ABCB1: variants seen among roughly 807,000 people sequenced by gnomAD.
ABCB1 encodes ATP-dependent translocase ABCB1.
ABCB1 carries 69 observed loss-of-function variants against 142.0 expected under a neutral mutation model. The ratio of observed to expected loss-of-function variants is 0.49; its 90% CI spans 0.40 to 0.59. ABCB1 has a LOEUF of 0.59. ABCB1 is among the 20% of genes least tolerant of loss of function. The pLI is 0.00. For synonymous variants in ABCB1, 532 were observed against 539.2 expected, an observed-to-expected ratio of 0.99 and a Z score of 0.18; for missense variants, 1,326 against 1,554.7, an observed-to-expected ratio of 0.85 and a Z score of 2.47.
intron 3 of ABCB1, among the ~76,000 whole-genome samples, chr7:87,591,146 G>A (rs186896003): frequency 2.0e-4 from 30 of 152,260 alleles, no homozygotes. Context: ...AGTAGGAGAT[G>A]TGATGATTGA....
At chr7:87,548,035 T>C (rs147129891) in intron 14 of ABCB1, among the ~76,000 whole-genome samples, 1 of 131,524 alleles carries the variant, frequency 7.6e-6, no homozygotes, top group Non-Finnish European at 1.6e-5. Context: ...AAAGATAAGA[T>C]AAGATAAGAA....
chr7:87,654,817 G>C (rs932776638), intron 1 of ABCB1, among the ~76,000 whole-genome samples: 2 of 151,946 alleles, frequency 1.3e-5, no homozygotes, highest in Non-Finnish European at 2.9e-5. Context: ...CGGATAAGGG[G>C]CTAATTTCCA....
chr7:87,555,145 A>G (rs1238518544), intron 8 of ABCB1, among the ~76,000 whole-genome samples: 1 of 152,214 alleles, frequency 6.6e-6, no homozygotes, highest in Non-Finnish European at 1.5e-5. Flanking sequence ...AGCTATGGAG[A>G]TAAGCTAATG....
intron 19 of ABCB1, chr7:87,536,962 T>C (rs567046767): frequency 2.2e-5 from 5 of 230,554 alleles, no homozygotes; most frequent in South Asian, 1.2e-4. Context: ...AACAGAGGCC[T>C]GAATGAAGGA....
At chr7:87,701,979 T>A (rs1166162500) in intron 1 of ABCB1, among the ~76,000 whole-genome samples, 3 of 151,566 alleles carry the variant, frequency 2.0e-5, no homozygotes, top group Non-Finnish European at 4.4e-5. Context: ...CCGTCTCTAC[T>A]GAAAATATAA....
At position 87,519,450 on chromosome 7, in the gene ABCB1, C is replaced by T. The variant is rs1815394263; in HGVS notation, c.2803G>A (p.Ala935Thr). 1.9e-6 allele frequency: 3 copies of T among 1,613,952 alleles called. No homozygotes were observed. Among genetic ancestry groups the T allele is most frequent in the Admixed American group, 1.7e-5 (1 of 60,008 alleles). Residue 935 changes from alanine to threonine, a missense_variant, in exon 23 of 28, where the codon GCA becomes ACA. Physicochemically the swap from Ala to Thr is moderately conservative, Grantham distance 58 (BLOSUM62 0). Transcript: ENST00000622132. Reference sequence around the variant, plus strand: ...GAAAATGTAATTCCAAAGATGTGTGCTTTCCTCAAAGAGTTTCTGAAAAGA... The same window carrying T: ...GAAAATGTAATTCCAAAGATGTGTGTTTTCCTCAAAGAGTTTCTGAAAAGA... Reference protein sequence around the residue: ...QVPYRNSLRKAHIFGITFSFT... With the variant: ...QVPYRNSLRKTHIFGITFSFT...
chr7:87,604,672 T>C (rs1405721654), upstream of ABCB1, among the ~76,000 whole-genome samples: 1 of 151,918 alleles, frequency 6.6e-6, no homozygotes, highest in African/African-American at 2.4e-5. Context: ...TTTTCAGAGG[T>C]CGTTTGTCTT....
intron 1 of ABCB1, among the ~76,000 whole-genome samples, chr7:87,669,866 T>C (rs1418010911): frequency 1.3e-5 from 2 of 152,218 alleles, no homozygotes; most frequent in African/African-American, 2.4e-5. Flanking sequence ...GTTCCTTTTG[T>C]AGGTCATGTG....
At chr7:87,511,308 G>A (rs892210973) in intron 25 of ABCB1, among the ~76,000 whole-genome samples, 1 of 152,094 alleles carries the variant, frequency 6.6e-6, no homozygotes, top group Admixed American at 6.5e-5. Context: ...TATGAGAAGT[G>A]CTCAAAAAAT....
At chr7:87,584,530 C>A (rs928673798) in intron 4 of ABCB1, among the ~76,000 whole-genome samples, 1 of 152,024 alleles carries the variant, frequency 6.6e-6, no homozygotes, top group Non-Finnish European at 1.5e-5. Flanking sequence ...CCATTCCTCC[C>A]CAATCGAGAA....
chr7:87,555,802 G>T (rs1817282979), intron 8 of ABCB1, among the ~76,000 whole-genome samples: 1 of 151,922 alleles, frequency 6.6e-6, no homozygotes. Context: ...GCTACCACTG[G>T]GCATAACTTA....
At chr7:87,519,826 C>T (rs1815414249) in intron 22 of ABCB1, among the ~76,000 whole-genome samples, 1 of 152,192 alleles carries the variant, frequency 6.6e-6, no homozygotes, top group South Asian at 2.1e-4. Context: ...CGTAAATATT[C>T]ATTCTGCACA....
chr7:87,671,783 C>T (rs1316939127), intron 1 of ABCB1, among the ~76,000 whole-genome samples: 2 of 152,142 alleles, frequency 1.3e-5, no homozygotes, highest in Non-Finnish European at 2.9e-5. Flanking sequence ...CTTCAGCCCC[C>T]GGTTGCCTCA....
intron 4 of ABCB1, among the ~76,000 whole-genome samples, chr7:87,573,516 C>T (rs948078710): frequency 1.3e-5 from 2 of 152,174 alleles, no homozygotes; most frequent in African/African-American, 4.8e-5. Context: ...TCTTACCTCT[C>T]CTGTAACAAG....
In ABCB1 at chr7:87,544,806, C is replaced by T. The variant is rs191864178; in HGVS notation, c.2064+17G>A. 1.8e-3 allele frequency: 2,900 copies of T among 1,613,646 alleles called. 21 individuals are homozygous for T. The highest frequency in any genetic ancestry group is 1.3e-3 in the Non-Finnish European group (1,509 of 1,179,856). ...CAGTTAGTGAGATTAAAACAAACTC[C>T]GCATCTCCCTTCATACCAGAGCCTC... On this transcript the variant is annotated intron_variant, in intron 16 of 27. Coordinates refer to ENST00000622132, the MANE Select transcript of ABCB1 (RefSeq NM_001348946.2).
intron 1 of ABCB1, among the ~76,000 whole-genome samples, chr7:87,632,426 C>CATG (rs1349638259): frequency 6.6e-6 from 1 of 152,082 alleles, no homozygotes; most frequent in Non-Finnish European, 1.5e-5. Context: ...ATGTTGTAGA[C>CATG]TAAAAACATT....
chr7:87,621,375 C>A (rs1410504922), intron 1 of ABCB1, among the ~76,000 whole-genome samples: 1 of 151,992 alleles, frequency 6.6e-6, no homozygotes, highest in East Asian at 1.9e-4. Context: ...TAGTACCTGA[C>A]AAAGGTAGCA....
upstream of ABCB1, chr7:87,601,222 G>T (rs1819445771): frequency 6.6e-6 from 1 of 152,110 alleles, no homozygotes; most frequent in African/African-American, 2.4e-5. Flanking sequence ...CTCGGGATTC[G>T]CATTTAATAC....
intron 1 of ABCB1, among the ~76,000 whole-genome samples, chr7:87,644,419 T>G (rs1223111531): frequency 6.6e-6 from 1 of 152,242 alleles, no homozygotes. Context: ...CAATGACATA[T>G]AATAAGGAAT....
Sources: gnomAD v4.1 joint callset for allele counts (sites outside exome capture counted in the v4.1 genomes callset) on GRCh38, gnomAD v4.1.1 for gene constraint, MANE v1.5 for transcripts, NCBI Gene and HGNC (gene_info 2026-07-23, HGNC 2026-07-21) for gene names.